LSM3: variants seen among roughly 807,000 people sequenced by gnomAD.
LSM3 encodes U6 snRNA-associated Sm-like protein LSm3.
Under a neutral mutation model 15.4 loss-of-function variants are expected in LSM3, and 14 were observed. The observed-to-expected ratio is 0.91, with a 90% CI of 0.60 to 1.42. LSM3 has a LOEUF of 1.42. LSM3 is among the 40% of genes most tolerant of loss of function. The probability of loss-of-function intolerance (pLI) is 0.00; values close to 1 mark genes in which losing one functional copy is unlikely to be tolerated. For missense variants in LSM3, 88 were observed against 127.9 expected (o/e 0.69, Z 1.50); for synonymous variants, 46 against 45.1 (o/e 1.02, Z -0.08).
rs370351110 is a variant in LSM3 at position 14,197,498 on chromosome 3, C to T, written c.229-538C>T. On this transcript the variant is annotated intron_variant, in intron 3 of 3. Coordinates refer to ENST00000306024, the MANE Select transcript of LSM3 (RefSeq NM_014463.3). ...TGACCACAGTAGCACCCAGAAGTAA[C>T]ACATAATGGCTCAGCAAAGTAGAAG... is the stretch of plus-strand genomic sequence containing the variant. Among the ~76,000 whole-genome samples, 5 of 152,366 alleles carry T rather than the reference C, an allele frequency of 3.3e-5. No individual in the cohort carries two copies. In the East Asian group the frequency reaches 5.8e-4, roughly 18 times the overall value.
intron 3 of LSM3, among the ~76,000 whole-genome samples, chr3:14,185,345 C>T (rs1294826434): frequency 1.3e-5 from 2 of 151,084 alleles, no homozygotes; most frequent in East Asian, 3.9e-4. Flanking sequence ...GAGTAAGACT[C>T]TGTCTCAAAA....
At chr3:14,183,663 CTT>C (rs1364100705) in intron 2 of LSM3, among the ~76,000 whole-genome samples, 5 of 152,092 alleles carry the variant, frequency 3.3e-5, no homozygotes, top group African/African-American at 1.2e-4. Context: ...GGGGTGGAGA[CTT>C]TAAAAATAAT....
intron 3 of LSM3, among the ~76,000 whole-genome samples, chr3:14,184,883 C>G (rs1697073506): frequency 6.6e-6 from 1 of 151,804 alleles, no homozygotes; most frequent in Non-Finnish European, 1.5e-5. Flanking sequence ...TGGTGAAGCC[C>G]TGTCTCTGCT....
chr3:14,180,470 G>A (rs993280695), intron 1 of LSM3, among the ~76,000 whole-genome samples: 1 of 151,964 alleles, frequency 6.6e-6, no homozygotes, highest in Non-Finnish European at 1.5e-5. Context: ...TGTATTTTTC[G>A]TAGAGATGGG....
At chr3:14,189,252 G>A (rs528624523) in intron 3 of LSM3, among the ~76,000 whole-genome samples, 2 of 152,194 alleles carry the variant, frequency 1.3e-5, no homozygotes, top group South Asian at 2.1e-4. Context: ...GAATAGTGCC[G>A]CAATAAACAT....
intron 3 of LSM3, among the ~76,000 whole-genome samples, chr3:14,188,026 C>G (rs549025267): frequency 5.7e-4 from 87 of 152,310 alleles, no homozygotes; most frequent in African/African-American, 2.0e-3. Flanking sequence ...TAACTAAGCC[C>G]TCTGCTCCCT....
At chr3:14,185,545 C>G (rs951612957) in intron 3 of LSM3, among the ~76,000 whole-genome samples, 1 of 152,158 alleles carries the variant, frequency 6.6e-6, no homozygotes, top group African/African-American at 2.4e-5. Flanking sequence ...TGCGTTAAAT[C>G]TATCATGAGT....
rs190632018 is a variant in LSM3, at chr3:14,180,788, G to A, written c.22-772G>A. ...AGGTCACAGCCAGGAGTTGAACCCG[G>A]ACTGCCTGACTCCAAAGCCAGTGCT... On this transcript the variant is annotated intron_variant, in intron 1 of 3. Coordinates refer to ENST00000306024, the MANE Select transcript of LSM3 (RefSeq NM_014463.3). Among the ~76,000 whole-genome samples, 9 of 142,446 alleles carry A rather than the reference G, an allele frequency of 6.3e-5. No individual in the cohort carries two copies. In the East Asian group the frequency reaches 2.0e-3, roughly 32 times the overall value. The allele number at this position is 142,446 out of a possible 152,430, so 93.5% of individuals were successfully genotyped here.
chr3:14,179,166 G>A (rs1423071411), intron 1 of LSM3, among the ~76,000 whole-genome samples: 1 of 152,096 alleles, frequency 6.6e-6, no homozygotes, highest in Non-Finnish European at 1.5e-5. Context: ...CCAATAGAAA[G>A]CCAGGTAATA....
intron 3 of LSM3, among the ~76,000 whole-genome samples, chr3:14,184,293 C>T (rs1697066539): frequency 6.6e-6 from 1 of 152,162 alleles, no homozygotes; most frequent in Non-Finnish European, 1.5e-5. Flanking sequence ...CTACCACTTA[C>T]CTCATAGGGT....
rs117516966 is a variant in LSM3, at chr3:14,195,644, G to T, written c.229-2392G>T. On this transcript the variant is annotated intron_variant, in intron 3 of 3. Transcript: ENST00000306024. The stretch of plus-strand genomic sequence containing the variant: ...GAATGAGCTCTGAATACTGTTAGGA[G>T]CCCATAGCAATGGTCTTCCCTGAGA... Among the ~76,000 whole-genome samples the T allele has an allele frequency of 3.3e-5, 5 of 152,184 alleles. No homozygotes were observed. In the South Asian group the frequency reaches 8.3e-4, roughly 25 times the overall value.
At chr3:14,188,322 TTATGGTCCATGCTGAGACCA>T (rs1330733175) in intron 3 of LSM3, among the ~76,000 whole-genome samples, 1 of 152,222 alleles carries the variant, frequency 6.6e-6, no homozygotes, top group Non-Finnish European at 1.5e-5. Flanking sequence ...AACTAACTCT[TTATGGTCCATGCTGAGACCA>T]TATGGTCCAT....
chr3:14,181,424 A>G (rs1268097557), intron 1 of LSM3, 136 bp from the exon 2 acceptor site: 12 of 657,100 alleles, frequency 1.8e-5, no homozygotes, highest in Non-Finnish European at 3.1e-5. Context: ...GGTAGACACT[A>G]TTATCTCCAT....
chr3:14,194,028 CCCTCTGCTG>C (rs1697165800), intron 3 of LSM3, among the ~76,000 whole-genome samples: 1 of 152,190 alleles, frequency 6.6e-6, no homozygotes, highest in Non-Finnish European at 1.5e-5. Context: ...ACAGTCAGGC[CCCTCTGCTG>C]CCAGTCTGCT....
chr3:14,195,056 T>C (rs1697176001), intron 3 of LSM3, among the ~76,000 whole-genome samples: 1 of 152,196 alleles, frequency 6.6e-6, no homozygotes. Context: ...GGTTCTGCAC[T>C]GCTGGAGTTT....
chr3:14,195,935 C>G (rs1164623519), intron 3 of LSM3, among the ~76,000 whole-genome samples: 1 of 149,478 alleles, frequency 6.7e-6, no homozygotes, highest in Admixed American at 6.7e-5. Flanking sequence ...CCTTGGCTAT[C>G]TTGAGCTTTG....
chr3:14,183,503 A>T (rs973648420), intron 2 of LSM3, among the ~76,000 whole-genome samples: 2 of 152,240 alleles, frequency 1.3e-5, no homozygotes, highest in African/African-American at 4.8e-5. Flanking sequence ...TCTTACCAGT[A>T]AACAAAGGAT....
rs1030884919 is a variant in LSM3, at chr3:14,189,161, C to A, written c.228+5129C>A. On this transcript the variant is annotated intron_variant, in intron 3 of 3. Coordinates refer to ENST00000306024, the MANE Select transcript of LSM3 (RefSeq NM_014463.3). ...CCTTTTTTATAGCTGCACAGTATTC[C>A]ATGGTGTATATGTGCCACATTGTCT... is the stretch of plus-strand genomic sequence containing the variant. Among the ~76,000 whole-genome samples the A allele has an allele frequency of 2.0e-5, 3 of 152,188 alleles. No individual in the cohort carries two copies. In the East Asian group the frequency reaches 5.8e-4, roughly 29 times the overall value.
rs907736897 is a variant in LSM3 at position 14,200,242 on chromosome 3, A to G, written c.*2126A>G. ...ACAAGGGGAGGGACAATAAAAGGTT[A>G]ACTGCAGAATAGCCACCTATGTGTC... On this transcript the variant is annotated 3_prime_UTR_variant, in exon 4 of 4. Transcript: ENST00000306024. 1.3e-5 allele frequency: 2 copies of G among 152,262 alleles called. No homozygotes were observed. Among genetic ancestry groups the G allele is most frequent in the East Asian group, 1.9e-4 (1 of 5,202 alleles). 9.4% of individuals were successfully genotyped at this position (152,262 alleles called of 1,614,324 possible). A position where few individuals can be genotyped will look rare whatever the true frequency, so the allele number is the denominator to read the frequency against.
Sources: gnomAD v4.1 joint callset for allele counts (sites outside exome capture counted in the v4.1 genomes callset) on GRCh38, gnomAD v4.1.1 for gene constraint, MANE v1.5 for transcripts, NCBI Gene and HGNC (gene_info 2026-07-23, HGNC 2026-07-21) for gene names.